The following CARF variants were observed in gnomAD, a reference collection of about 807,000 sequenced individuals.
CARF encodes calcium responsive transcription factor, also known as calcium-responsive transcription factor.
A neutral mutation model predicts 82.0 loss-of-function variants in CARF; 57 were observed. The ratio of observed to expected loss-of-function variants is 0.70; its 90% confidence interval spans 0.56 to 0.87. The LOEUF is 0.87. Ranked by LOEUF, CARF falls within the 40% of genes least tolerant of loss-of-function variation. The pLI, the probability that CARF is intolerant of heterozygous loss-of-function variation, is 0.00. For synonymous variants in CARF, 268 were observed against 290.1 expected (o/e 0.92, Z 0.77); for missense variants, 771 against 855.8 (o/e 0.90, Z 1.24).
intron 2 of CARF, 29 bp downstream of exon 2, chr2:202,918,072 CAACTT>C (rs1559178776): frequency 3.8e-5 from 17 of 443,182 alleles, no homozygotes; most frequent in South Asian, 2.5e-4. Flanking sequence ...TTGAAAGTAA[CAACTT>C]TATTTTAAAA....
At position 202,952,677 on chromosome 2, in the gene CARF, G is replaced by C. The variant is rs778050175; in HGVS notation, c.425G>C (p.Arg142Pro). Reference sequence around the variant, plus strand: ...CAACTTGTGGATGTGAATAGTCCTCGGGGTGAGTAACAACGGGATATAGGG... The same window carrying C: ...CAACTTGTGGATGTGAATAGTCCTCCGGGTGAGTAACAACGGGATATAGGG... ...QGQLVDVNSPRDVPEEKPSNR... is the reference protein window; with the variant it reads ...QGQLVDVNSPPDVPEEKPSNR... Residue 142 changes from arginine to proline, a missense_variant and splice_region_variant, in exon 6 of 17, where the codon CGG becomes CCG. Transcript: ENST00000438828. 10 of 1,610,784 alleles carry C rather than the reference G, an allele frequency of 6.2e-6. No homozygotes were observed. The South Asian group carries it at 1.0e-4, about 16-fold the overall frequency.
At chr2:202,941,682 T>C (rs1270896715) in intron 3 of CARF, among the ~76,000 whole-genome samples, 178 bp from the exon 4 acceptor site, 2 of 152,128 alleles carry the variant, frequency 1.3e-5, no homozygotes, top group African/African-American at 2.4e-5. Context: ...ATTGAATGTA[T>C]TCTGGTGCCT....
chr2:202,971,209 A>G (rs1016242125), intron 11 of CARF, among the ~76,000 whole-genome samples: 4 of 152,094 alleles, frequency 2.6e-5, no homozygotes, highest in Non-Finnish European at 5.9e-5. Flanking sequence ...TTAAAATGCC[A>G]TTTTCATATA....
At chr2:202,968,156 C>T (rs544467278) in intron 10 of CARF, among the ~76,000 whole-genome samples, 19 of 152,270 alleles carry the variant, frequency 1.2e-4, no homozygotes, top group African/African-American at 4.6e-4. Flanking sequence ...GTAATCCCAG[C>T]ACTTTGGGAG....
At chr2:202,949,769 C>A (rs556392623) in intron 5 of CARF, among the ~76,000 whole-genome samples, 2 of 151,966 alleles carry the variant, frequency 1.3e-5, no homozygotes, top group Non-Finnish European at 2.9e-5. Context: ...AGGCTAGTCT[C>A]AAACTCCTGA....
chr2:202,938,902 A>G (rs1384720118), intron 3 of CARF, among the ~76,000 whole-genome samples: 1 of 152,062 alleles, frequency 6.6e-6, no homozygotes, highest in African/African-American at 2.4e-5. Context: ...TAAAACCTTA[A>G]ATACTATTCC....
Position 202,977,349 on chromosome 2 carries a change from A to C in CARF, c.1558+17A>C. On this transcript the variant is annotated intron_variant, in intron 14 of 16. Coordinates refer to ENST00000438828, the MANE Select transcript of CARF (RefSeq NM_024744.17). ...TTGCAGAAGGTAGGTTTTCTTGAAT[A>C]CCTTTAAAATATAAATTCAAATGGT... The C allele has an allele frequency of 2.5e-6, 4 of 1,569,210 alleles. No individual in the cohort carries two copies. Among genetic ancestry groups the C allele is most frequent in the Non-Finnish European group, 3.5e-6 (4 of 1,141,274 alleles).
At chr2:202,959,301 ATGTAT>A (rs997581043) in intron 8 of CARF, among the ~76,000 whole-genome samples, 1 of 152,186 alleles carries the variant, frequency 6.6e-6, no homozygotes, top group African/African-American at 2.4e-5. Flanking sequence ...ATTGCAGATA[ATGTAT>A]TGTTTGGCAT....
At chr2:202,969,860 G>A (rs1028484274) in intron 10 of CARF, 59 bp from the exon 11 acceptor site, 2 of 1,121,816 alleles carry the variant, frequency 1.8e-6, no homozygotes, top group African/African-American at 3.4e-5. Flanking sequence ...TGGTTGATAA[G>A]ATAGATTATC....
At chr2:202,924,546 G>C (rs1201849055) in intron 3 of CARF, 131 bp downstream of exon 3, 2 of 152,234 alleles carry the variant, frequency 1.3e-5, no homozygotes, top group East Asian at 3.9e-4. Flanking sequence ...CCTAGAAATA[G>C]CTTCTCAGCT....
intron 5 of CARF, among the ~76,000 whole-genome samples, chr2:202,948,228 C>G (rs993278371): frequency 1.3e-5 from 2 of 152,158 alleles, no homozygotes; most frequent in African/African-American, 4.8e-5. Flanking sequence ...GTTTTCATAC[C>G]AGTACCATGC....
Position 202,969,966 on chromosome 2 carries a change from C to T in CARF, c.1001C>T (p.Thr334Ile). The T allele has an allele frequency of 6.4e-7, 1 of 1,569,364 alleles. No homozygotes were observed. The highest frequency in any genetic ancestry group is 8.6e-7 in the Non-Finnish European group (1 of 1,165,972). ...AAGTTTCCTGAATATAGAGTTCCTACAGACCCCAAAATTGACAAGAAAATT... is the reference window on the plus strand; with the variant it reads ...AAGTTTCCTGAATATAGAGTTCCTATAGACCCCAAAATTGACAAGAAAATT... ...VQKFPEYRVP[T>I]DPKIDKKIIR... The change falls in exon 11 of 17, where the codon ACA becomes ATA. Residue 334 changes from threonine (T) to isoleucine (I), a missense_variant. By Grantham distance (89) the Thr-to-Ile change is moderately conservative (BLOSUM62 -1). Coordinates refer to ENST00000438828, the MANE Select transcript of CARF (RefSeq NM_024744.17).
In CARF at chr2:202,968,160, T is replaced by C. The variant is rs574045077; in HGVS notation, c.953+1062T>C. On this transcript the variant is annotated intron_variant, in intron 10 of 16. Coordinates refer to ENST00000438828, the MANE Select transcript of CARF (RefSeq NM_024744.17). The stretch of plus-strand genomic sequence containing the variant: ...GGCTAACGCCTGTAATCCCAGCACT[T>C]TGGGAGGCCGAGGTGGGCGGATTAC... Among the ~76,000 whole-genome samples, 111 of 152,200 alleles carry C rather than the reference T, an allele frequency of 7.3e-4. 1 individual carries two copies. Among genetic ancestry groups the C allele is most frequent in the African/African-American group, 2.5e-3 (104 of 41,532 alleles).
rs555374985 is a variant in CARF, at chr2:202,959,644, C to T, written c.643-1593C>T. On this transcript the variant is annotated intron_variant, in intron 8 of 16. Transcript: ENST00000438828. Reference sequence around the variant, plus strand: ...GACCAGCCTGGTCAACATGGCGAAACCCTGTCTCTACTAAAAATACCAGGC... The same window carrying T: ...GACCAGCCTGGTCAACATGGCGAAATCCTGTCTCTACTAAAAATACCAGGC... Among the ~76,000 whole-genome samples the T allele has an allele frequency of 2.6e-5, 4 of 152,032 alleles. No homozygotes were observed. The South Asian group carries it at 8.3e-4, about 32-fold the overall frequency.
Position 202,970,014 on chromosome 2 carries a change from C to A in CARF, c.1049C>A (p.Ala350Asp), listed in dbSNP as rs1021517352. 1 of 1,579,222 alleles carries A rather than the reference C, an allele frequency of 6.3e-7. No homozygotes were observed. The highest frequency in any genetic ancestry group is 2.0e-5 in the Admixed American group (1 of 50,460). The change falls in exon 11 of 17, where the codon GCT becomes GAT. Residue 350 changes from alanine (A) to aspartate (D), a missense_variant. By Grantham distance (126) the Ala-to-Asp change is moderately radical. Transcript: ENST00000438828. ...ATTATCAGAATGGAGCAGGAGAAAG[C>A]TTTTAACATGCTAAAGAAGAACTTG... ...KKIIRMEQEK[A>D]FNMLKKNLVD...
intron 2 of CARF, among the ~76,000 whole-genome samples, chr2:202,921,157 G>A (rs989620123): frequency 9.9e-5 from 15 of 151,994 alleles, no homozygotes; most frequent in Non-Finnish European, 4.4e-5. Context: ...GCGTGCCACC[G>A]TGCCCGGCTC....
rs988335665 is a variant in CARF, at chr2:202,976,237, T to C, written c.1495-1032T>C. On this transcript the variant is annotated intron_variant, in intron 13 of 16. Transcript: ENST00000438828. ...TTGCTCAGGCTGGATTGCCGTGGCA[T>C]GATCCTGGCTCAGTGCAACCTCCAT... is the stretch of plus-strand genomic sequence containing the variant. Among the ~76,000 whole-genome samples the C allele has an allele frequency of 2.6e-5, 4 of 151,898 alleles. No homozygotes were observed. In the South Asian group the frequency reaches 6.3e-4, roughly 24 times the overall value.
At chr2:202,980,051 G>A (rs2105939001) in intron 14 of CARF, among the ~76,000 whole-genome samples, 1 of 152,194 alleles carries the variant, frequency 6.6e-6, no homozygotes, top group Middle Eastern at 3.4e-3. Context: ...TCTGCCTCCT[G>A]GGCTCCAGTG....
At chr2:202,961,166 A>G in intron 8 of CARF, 71 bp from the exon 9 acceptor site, 2 of 1,276,300 alleles carry the variant, frequency 1.6e-6, no homozygotes, top group East Asian at 2.4e-5. Flanking sequence ...ATTTTGGACA[A>G]CCATCTCATT....
Sources: allele counts gnomAD v4.1 joint callset (sites outside exome capture counted in the v4.1 genomes callset), GRCh38; gene constraint gnomAD v4.1.1; transcripts MANE v1.5; gene names NCBI Gene and HGNC (gene_info 2026-07-23, HGNC 2026-07-21).